DOCK1: variants seen among roughly 807,000 people sequenced by gnomAD.
DOCK1 encodes the protein dedicator of cytokinesis 1, also known as dedicator of cytokinesis protein 1.
In DOCK1, 138 loss-of-function variants were observed where a neutral mutation model predicts 262.7. That is an observed-to-expected ratio of 0.53 (90% CI 0.46 to 0.61). The LOEUF (loss-of-function observed/expected upper bound fraction) is 0.61. Ranked by LOEUF, DOCK1 falls within the 20% of genes least tolerant of loss-of-function variation. DOCK1 has a pLI of 0.00. For synonymous variants in DOCK1, 866 were observed against 867.4 expected, an observed-to-expected ratio of 1.00 and a Z score of 0.03; for missense variants, 1,908 against 2,370.7, an observed-to-expected ratio of 0.80 and a Z score of 4.05.
chr10:127,212,632 C>T (rs184037030), intron 27 of DOCK1, among the ~76,000 whole-genome samples: 93 of 151,904 alleles, frequency 6.1e-4, no homozygotes, highest in African/African-American at 2.2e-3. Flanking sequence ...CCAGCAAGGC[C>T]GAAGCTCTCA....
chr10:127,418,602 C>T, intron 45 of DOCK1, 61 bp downstream of exon 45: 1 of 1,532,402 alleles, frequency 6.5e-7, no homozygotes, highest in African/African-American at 1.4e-5. Context: ...ACTGAAAATT[C>T]CCGAGAGTCC....
At chr10:127,138,358 G>A (rs1362513165) in intron 27 of DOCK1, among the ~76,000 whole-genome samples, 3 of 152,126 alleles carry the variant, frequency 2.0e-5, no homozygotes, top group Non-Finnish European at 2.9e-5. Context: ...GCCTCATGGA[G>A]TAAAACAGAA....
At chr10:126,971,043 T>G (rs1213341594) in intron 2 of DOCK1, among the ~76,000 whole-genome samples, 1 of 151,028 alleles carries the variant, frequency 6.6e-6, no homozygotes, top group African/African-American at 2.4e-5. Flanking sequence ...CAAGCATGTG[T>G]AAATCTTTTT....
intron 49 of DOCK1, among the ~76,000 whole-genome samples, chr10:127,442,740 G>GTGT (rs2070257734): frequency 6.6e-6 from 1 of 152,212 alleles, no homozygotes; most frequent in Non-Finnish European, 1.5e-5. Context: ...ACGCCAAGGA[G>GTGT]ACCAAAGCAT....
chr10:127,089,114 C>T (rs2047366412), intron 23 of DOCK1, among the ~76,000 whole-genome samples: 1 of 152,196 alleles, frequency 6.6e-6, no homozygotes, highest in African/African-American at 2.4e-5. Flanking sequence ...TCGGCTCTGC[C>T]ATCCTTTTCC....
At chr10:127,451,192 C>A in intron 51 of DOCK1, 140 bp from the exon 52 acceptor site, 1 of 918,614 alleles carries the variant, frequency 1.1e-6, no homozygotes, top group Non-Finnish European at 1.6e-6. Flanking sequence ...AGCCCCAAGT[C>A]GGACAGGATG....
chr10:127,397,414 G>A (rs1452696485), intron 38 of DOCK1, among the ~76,000 whole-genome samples: 2 of 149,318 alleles, frequency 1.3e-5, no homozygotes, highest in African/African-American at 5.0e-5. Flanking sequence ...AGTTACATGG[G>A]CAGCGACTCC....
chr10:127,193,080 CATA>C (rs769494016), intron 27 of DOCK1, among the ~76,000 whole-genome samples: 2 of 152,040 alleles, frequency 1.3e-5, no homozygotes, highest in Non-Finnish European at 2.9e-5. Context: ...GAAGTCACCC[CATA>C]ATGTTATGAA....
intron 23 of DOCK1, among the ~76,000 whole-genome samples, chr10:127,075,127 C>A (rs1564783988): frequency 7.6e-6 from 1 of 130,962 alleles, no homozygotes; most frequent in Non-Finnish European, 1.5e-5. Context: ...TGAGATTGCA[C>A]CATTGCACTC....
intron 27 of DOCK1, among the ~76,000 whole-genome samples, chr10:127,238,714 C>T (rs868111764): frequency 8.5e-5 from 13 of 152,178 alleles, no homozygotes; most frequent in Non-Finnish European, 2.9e-5. Context: ...GTCCTTTTGA[C>T]ATGGCCCCAC....
chr10:127,312,877 C>T (rs562226812), intron 29 of DOCK1, among the ~76,000 whole-genome samples: 2 of 151,738 alleles, frequency 1.3e-5, no homozygotes, highest in South Asian at 4.2e-4. Context: ...TCTGGACCTC[C>T]TGCCACATAA....
intron 38 of DOCK1, among the ~76,000 whole-genome samples, chr10:127,396,632 C>T (rs2066866789): frequency 6.6e-6 from 1 of 152,016 alleles, no homozygotes; most frequent in Non-Finnish European, 1.5e-5. Flanking sequence ...CTCTTTCTGT[C>T]CAGTTAAAGC....
rs1344350988 is a variant in DOCK1, at chr10:127,352,221, CGGGGAGGGGT to C, written c.3225-2431_3225-2422del. Among the ~76,000 whole-genome samples the C allele has an allele frequency of 4.3e-3, 310 of 71,280 alleles. 4 individuals are homozygous for C. Among genetic ancestry groups the C allele is most frequent in the Middle Eastern group, 0.011 (1 of 92 alleles). The allele number at this position is 71,280 out of a possible 152,430, so 46.8% of individuals were successfully genotyped here. ...AGCATCCGGGAGAGGTGGGGAGCATCGGGGAGGGGTGGGGAGGGGTGGGGAGAAGTGGGGA... is the reference window on the plus strand; with the variant it reads ...AGCATCCGGGAGAGGTGGGGAGCATCGGGGAGGGGTGGGGAGAAGTGGGGA... On this transcript the variant is annotated intron_variant, in intron 31 of 51. Transcript: ENST00000623213.
chr10:127,061,306 G>T (rs1030829248), intron 22 of DOCK1, among the ~76,000 whole-genome samples: 2 of 152,088 alleles, frequency 1.3e-5, no homozygotes, highest in Non-Finnish European at 2.9e-5. Context: ...TTTTTGTGGG[G>T]TAGAAATAAA....
chr10:127,236,496 A>G (rs1304596904), intron 27 of DOCK1, among the ~76,000 whole-genome samples: 1 of 105,026 alleles, frequency 9.5e-6, no homozygotes, highest in Non-Finnish European at 1.9e-5. Context: ...CCTTCTTGAC[A>G]CGGGTTTTTT....
At chr10:126,966,981 G>A (rs1332510656) in intron 1 of DOCK1, among the ~76,000 whole-genome samples, 1 of 152,144 alleles carries the variant, frequency 6.6e-6, no homozygotes, top group Non-Finnish European at 1.5e-5. Flanking sequence ...ATTATAAAAT[G>A]AAGATGGACT....
intron 27 of DOCK1, among the ~76,000 whole-genome samples, chr10:127,128,898 T>C (rs1332395853): frequency 6.6e-6 from 1 of 152,210 alleles, no homozygotes; most frequent in African/African-American, 2.4e-5. Flanking sequence ...GCACATGTTA[T>C]CATTTAAGTC....
rs182894932 is a variant in DOCK1 at position 127,032,423 on chromosome 10, C to T, written c.1912+103C>T. On this transcript the variant is annotated intron_variant, in intron 18 of 51. Transcript: ENST00000623213. ...GAGGTGTGCTCCGTAGGTGCATGAA[C>T]GTCACCCATAAGGCATTCATTGCAT... is the stretch of plus-strand genomic sequence containing the variant. 178 of 1,249,970 alleles carry T rather than the reference C, an allele frequency of 1.4e-4. No homozygotes were observed. In the African/African-American group the frequency reaches 1.7e-3, roughly 12 times the overall value. The allele number at this position is 1,249,970 out of a possible 1,614,324, so 77.4% of individuals were successfully genotyped here. A position where few individuals can be genotyped will look rare whatever the true frequency, so the allele number is the denominator to read the frequency against.
intron 29 of DOCK1, among the ~76,000 whole-genome samples, chr10:127,303,532 A>C: frequency 6.6e-6 from 1 of 151,222 alleles, no homozygotes; most frequent in South Asian, 2.1e-4. Flanking sequence ...TAAAAAAAAG[A>C]AAAAAAAAGG....
Sources: gnomAD v4.1 joint callset for allele counts (sites outside exome capture counted in the v4.1 genomes callset) on GRCh38, gnomAD v4.1.1 for gene constraint, MANE v1.5 for transcripts, NCBI Gene and HGNC (gene_info 2026-07-23, HGNC 2026-07-21) for gene names.